The following ABCC4 variants were observed in gnomAD, a reference collection of about 807,000 sequenced individuals.
The protein encoded by ABCC4 is ATP-binding cassette sub-family C member 4.
Under a neutral mutation model 168.5 loss-of-function variants are expected in ABCC4, and 102 were observed. The ratio of observed to expected loss-of-function variants is 0.61; its 90% confidence interval spans 0.52 to 0.71. The LOEUF is 0.71. Among genes scored for constraint, ABCC4 ranks in the 30% least tolerant of loss-of-function variants. The probability of loss-of-function intolerance (pLI) is 0.00; values close to 1 mark genes in which losing one functional copy is unlikely to be tolerated. For synonymous variants in ABCC4, 617 were observed against 590.7 expected (o/e 1.04, Z -0.65); for missense variants, 1,402 against 1,605.8 (o/e 0.87, Z 2.17).
At chr13:95,083,457 A>T (rs2034162663) in intron 20 of ABCC4, among the ~76,000 whole-genome samples, 167 bp from the exon 21 acceptor site, 3 of 152,092 alleles carry the variant, frequency 2.0e-5, no homozygotes, top group Admixed American at 2.0e-4. Flanking sequence ...GGTCCTGATG[A>T]TATCTATTAC....
intron 1 of ABCC4, among the ~76,000 whole-genome samples, chr13:95,269,614 A>T (rs774665455): frequency 1.3e-5 from 2 of 151,972 alleles, no homozygotes; most frequent in Non-Finnish European, 2.9e-5. Context: ...GTTGCTACTT[A>T]CCAGGATGTT....
intron 1 of ABCC4, among the ~76,000 whole-genome samples, chr13:95,273,467 C>T (rs749612812): frequency 2.6e-5 from 4 of 152,188 alleles, no homozygotes; most frequent in Non-Finnish European, 4.4e-5. Flanking sequence ...GGTGTGCCAC[C>T]AGTTCCCTGG....
intron 1 of ABCC4, among the ~76,000 whole-genome samples, chr13:95,250,963 T>C (rs142376072): frequency 6.6e-6 from 1 of 152,162 alleles, no homozygotes; most frequent in East Asian, 1.9e-4. Context: ...AATATTTTTA[T>C]TTTTGATAGA....
At chr13:95,269,068 G>A (rs1017457151) in intron 1 of ABCC4, among the ~76,000 whole-genome samples, 10 of 152,096 alleles carry the variant, frequency 6.6e-5, no homozygotes, top group Non-Finnish European at 1.5e-4. Context: ...TTTGTATTTG[G>A]GACTCTCCCT....
intron 1 of ABCC4, among the ~76,000 whole-genome samples, chr13:95,291,726 C>T (rs981971311): frequency 6.6e-6 from 1 of 152,034 alleles, no homozygotes; most frequent in Non-Finnish European, 1.5e-5. Flanking sequence ...ACTGATGATG[C>T]CCAAATTGAC....
At chr13:95,299,905 G>C (rs529916057) in intron 1 of ABCC4, among the ~76,000 whole-genome samples, 1 of 152,226 alleles carries the variant, frequency 6.6e-6, no homozygotes, top group Non-Finnish European at 1.5e-5. Flanking sequence ...ACAGTGGGGC[G>C]ATCTCAGCTC....
chr13:95,220,295 T>C (rs370900045), intron 4 of ABCC4, among the ~76,000 whole-genome samples: 2 of 152,328 alleles, frequency 1.3e-5, no homozygotes, highest in African/African-American at 4.8e-5. Flanking sequence ...CAATCTTCAC[T>C]CTACAGACTC....
At chr13:95,037,262 A>G (rs983503034) in intron 29 of ABCC4, among the ~76,000 whole-genome samples, 2 of 152,188 alleles carry the variant, frequency 1.3e-5, no homozygotes, top group African/African-American at 4.8e-5. Context: ...AAAGCACCCC[A>G]TAACTAAAAT....
intron 19 of ABCC4, among the ~76,000 whole-genome samples, chr13:95,150,677 A>G (rs1415377116): frequency 6.6e-6 from 1 of 152,178 alleles, no homozygotes; most frequent in Non-Finnish European, 1.5e-5. Context: ...TACAGGGAAA[A>G]TATCATTACT....
At chr13:95,166,134 T>G in intron 15 of ABCC4, 24 bp downstream of exon 15, 1 of 1,594,414 alleles carries the variant, frequency 6.3e-7, no homozygotes, top group Non-Finnish European at 8.6e-7. Context: ...AACCAGGCCA[T>G]GTTGTAACAG....
chr13:95,031,764 C>T (rs2031888316), intron 30 of ABCC4, among the ~76,000 whole-genome samples: 1 of 152,102 alleles, frequency 6.6e-6, no homozygotes, highest in African/African-American at 2.4e-5. Flanking sequence ...AGTCAGGGCC[C>T]ACTTACTTCT....
At chr13:95,261,185 C>T (rs2040522897) in intron 1 of ABCC4, among the ~76,000 whole-genome samples, 2 of 152,152 alleles carry the variant, frequency 1.3e-5, no homozygotes, top group South Asian at 4.1e-4. Flanking sequence ...CAGTGGCTCA[C>T]GCCTGTAATC....
chr13:95,258,930 GCCCT>G lies in ABCC4; in HGVS notation c.75-11181_75-11178del, dbSNP rs1287795374. Among the ~76,000 whole-genome samples the G allele has an allele frequency of 4.1e-4, 62 of 152,328 alleles. 1 individual carries two copies. In the Middle Eastern group the frequency reaches 0.01, roughly 25 times the overall value. ...TTAGTTTTCCTTGAAGAGTCTGCCA[GCCCT>G]GCCTGCGGGAGGCTGCTGGGCCCGG... On this transcript the variant is annotated intron_variant, in intron 1 of 30. Coordinates refer to ENST00000645237, the MANE Select transcript of ABCC4 (RefSeq NM_005845.5).
intron 29 of ABCC4, among the ~76,000 whole-genome samples, chr13:95,042,097 G>C (rs1250135736): frequency 6.6e-6 from 1 of 152,156 alleles, no homozygotes; most frequent in Admixed American, 6.5e-5. Context: ...ATGGAGTTGG[G>C]AGTGAGAAGG....
chr13:95,250,362 A>G (rs1050232356), intron 1 of ABCC4, among the ~76,000 whole-genome samples: 1 of 152,136 alleles, frequency 6.6e-6, no homozygotes, highest in Non-Finnish European at 1.5e-5. Context: ...CTAGGAGTAC[A>G]ATGCTTTCAG....
chr13:95,127,414 T>C (rs544014023), intron 19 of ABCC4, among the ~76,000 whole-genome samples: 1 of 152,230 alleles, frequency 6.6e-6, no homozygotes, highest in Non-Finnish European at 1.5e-5. Flanking sequence ...GCCTCTCAAG[T>C]AGCTGGCAGG....
chr13:95,109,388 G>C (rs1566426224), intron 20 of ABCC4, among the ~76,000 whole-genome samples: 2 of 56,482 alleles, frequency 3.5e-5, no homozygotes, highest in Admixed American at 2.3e-4. Flanking sequence ...CCACAGGTGT[G>C]CAAACACACA....
At chr13:95,232,355 A>T (rs2039645934) in intron 4 of ABCC4, among the ~76,000 whole-genome samples, 1 of 152,146 alleles carries the variant, frequency 6.6e-6, no homozygotes, top group Admixed American at 6.6e-5. Flanking sequence ...CACTCTGGAT[A>T]AGTGACAACG....
rs67671921 is a variant in ABCC4, at chr13:95,157,088, CCACACACA to C, written c.2455+4093_2455+4100del. Among the ~76,000 whole-genome samples, 1,052 of 134,694 alleles carry C rather than the reference CCACACACA, an allele frequency of 7.8e-3. 8 individuals carry two copies. Among genetic ancestry groups the C allele is most frequent in the Non-Finnish European group, 0.011 (721 of 64,136 alleles). 88.4% of individuals were successfully genotyped at this position (134,694 alleles called of 152,430 possible). ...GCCTGGGCGACAGAGTGAGACTCTACCACACACACACACACACACACACACACACACAC... is the reference window on the plus strand; with the variant it reads ...GCCTGGGCGACAGAGTGAGACTCTACCACACACACACACACACACACACAC... On this transcript the variant is annotated intron_variant, in intron 19 of 30. Coordinates refer to ENST00000645237, the MANE Select transcript of ABCC4 (RefSeq NM_005845.5).
Sources: gnomAD v4.1 joint callset for allele counts (sites outside exome capture counted in the v4.1 genomes callset) on GRCh38, gnomAD v4.1.1 for gene constraint, MANE v1.5 for transcripts, NCBI Gene and HGNC (gene_info 2026-07-23, HGNC 2026-07-21) for gene names.